PRRX2: variants seen among roughly 807,000 people sequenced by gnomAD.
The protein encoded by PRRX2 is paired related homeobox 2, also known as paired mesoderm homeobox protein 2.
A neutral mutation model predicts 18.0 loss-of-function variants in PRRX2; 11 were observed. The observed-to-expected ratio is 0.61, with a 90% CI of 0.39 to 1.01. The LOEUF (loss-of-function observed/expected upper bound fraction) is 1.01, where lower values mean the gene tolerates loss of function less well. Ranked by LOEUF, PRRX2 falls within the 50% of genes least tolerant of loss-of-function variation. The probability of loss-of-function intolerance (pLI) is 0.01; values close to 1 mark genes in which losing one functional copy is unlikely to be tolerated. For synonymous variants in PRRX2, 177 were observed against 154.8 expected (o/e 1.14, Z -1.06); for missense variants, 387 against 351.0 (o/e 1.10, Z -0.82).
intron 1 of PRRX2, among the ~76,000 whole-genome samples, chr9:129,707,563 G>T (rs964625828): frequency 6.6e-6 from 1 of 152,004 alleles, no homozygotes; most frequent in Non-Finnish European, 1.5e-5. Flanking sequence ...AGGCTGGTCT[G>T]GTGGGTCACC....
intron 1 of PRRX2, among the ~76,000 whole-genome samples, chr9:129,690,966 A>C (rs1832353621): frequency 6.6e-6 from 1 of 152,060 alleles, no homozygotes; most frequent in Admixed American, 6.5e-5. Flanking sequence ...CGCTTGTCCT[A>C]CTGCACAAGA....
intron 3 of PRRX2, among the ~76,000 whole-genome samples, chr9:129,721,304 A>ATGGG (rs1330663672): frequency 2.2e-4 from 33 of 152,148 alleles, no homozygotes; most frequent in African/African-American, 8.0e-4. Flanking sequence ...GCTGGGGCCC[A>ATGGG]GAGCCAAGTT....
chr9:129,714,136 C>G (rs1334755932), intron 1 of PRRX2, among the ~76,000 whole-genome samples: 1 of 149,302 alleles, frequency 6.7e-6, no homozygotes, highest in Non-Finnish European at 1.5e-5. Flanking sequence ...AACCTCATCT[C>G]TACTAAAAAT....
At chr9:129,699,947 C>T (rs1365035508) in intron 1 of PRRX2, among the ~76,000 whole-genome samples, 2 of 152,142 alleles carry the variant, frequency 1.3e-5, no homozygotes, top group African/African-American at 4.8e-5. Context: ...TCCCAAGTCT[C>T]CACCAGACAG....
chr9:129,694,963 C>T (rs1832403053), intron 1 of PRRX2, among the ~76,000 whole-genome samples: 1 of 152,224 alleles, frequency 6.6e-6, no homozygotes. Flanking sequence ...GACCCACTTG[C>T]CTGCAGCTTC....
At chr9:129,700,284 G>C (rs1832477138) in intron 1 of PRRX2, among the ~76,000 whole-genome samples, 1 of 151,758 alleles carries the variant, frequency 6.6e-6, no homozygotes, top group African/African-American at 2.4e-5. Flanking sequence ...CTGCCGCCAG[G>C]GTCCAGCTCT....
At position 129,673,652 on chromosome 9, in the gene PRRX2, CCACACACACA is replaced by C. The variant is rs3054761; in HGVS notation, c.259+7543_259+7552del. Among the ~76,000 whole-genome samples the C allele has an allele frequency of 9.1e-3, 1,365 of 149,324 alleles. 22 individuals carry two copies. The highest frequency in any genetic ancestry group is 0.032 in the African/African-American group (1,305 of 40,656). ...CACACACAGACCCATACCCCCCATG[CCACACACACA>C]CACACACACACACACAGGCACACAC... On this transcript the variant is annotated intron_variant, in intron 1 of 3. Transcript: ENST00000372469.
intron 1 of PRRX2, among the ~76,000 whole-genome samples, chr9:129,718,886 A>G (rs1832749105): frequency 6.6e-6 from 1 of 152,112 alleles, no homozygotes; most frequent in Admixed American, 6.5e-5. Context: ...TGAGCAGGTC[A>G]CTTGTCCCTG....
intron 1 of PRRX2, chr9:129,712,752 T>G (rs1832642672): frequency 6.6e-6 from 1 of 152,062 alleles, no homozygotes; most frequent in Non-Finnish European, 1.5e-5. Flanking sequence ...GTTTCATGCT[T>G]TGTTTCAGTC....
Position 129,720,772 on chromosome 9 carries a change from C to G in PRRX2, c.624C>G (p.Tyr208Ter), listed in dbSNP as rs1207102150. The G allele has an allele frequency of 6.4e-7, 1 of 1,571,968 alleles. No individual in the cohort carries two copies. Among genetic ancestry groups the G allele is most frequent in the Non-Finnish European group, 8.6e-7 (1 of 1,156,988 alleles). Residue 208 changes from tyrosine to a stop codon, truncating the protein, a stop_gained and splice_region_variant, in exon 3 of 4, where the codon TAC becomes TAG. Coordinates refer to ENST00000372469, the MANE Select transcript of PRRX2 (RefSeq NM_016307.4). LOFTEE classifies it high-confidence loss of function. ...TCTCCTGGACAGCCTCGTCCCCCTA[C>G]AGGTGAGAGCGGGAACACCTTTGGG... The part of the protein sequence containing the change: ...DYLSWTASSP[Y>*]STVPPYSPGS...
At chr9:129,670,224 C>G (rs1345563575) in intron 1 of PRRX2, among the ~76,000 whole-genome samples, 1 of 151,722 alleles carries the variant, frequency 6.6e-6, no homozygotes, top group African/African-American at 2.4e-5. Context: ...ACATTGTATC[C>G]GTTCACCCAT....
At chr9:129,669,975 G>A (rs1367785249) in intron 1 of PRRX2, among the ~76,000 whole-genome samples, 2 of 149,464 alleles carry the variant, frequency 1.3e-5, no homozygotes, top group Non-Finnish European at 1.5e-5. Context: ...AACTGAAACC[G>A]CACCCCCTTG....
At chr9:129,679,201 G>A (rs1191496619) in intron 1 of PRRX2, among the ~76,000 whole-genome samples, 5 of 152,180 alleles carry the variant, frequency 3.3e-5, no homozygotes, top group Admixed American at 2.0e-4. Context: ...AGTGCATGAC[G>A]ACCCTGGGGT....
At chr9:129,678,183 C>G (rs970953981) in intron 1 of PRRX2, among the ~76,000 whole-genome samples, 1 of 152,030 alleles carries the variant, frequency 6.6e-6, no homozygotes, top group Non-Finnish European at 1.5e-5. Context: ...AGGCTGGTCT[C>G]GAACTCCTGG....
chr9:129,704,741 G>A (rs866637026), intron 1 of PRRX2, among the ~76,000 whole-genome samples: 4 of 152,166 alleles, frequency 2.6e-5, no homozygotes, highest in Non-Finnish European at 4.4e-5. Context: ...CTGAGTCCTC[G>A]AGACGACAAG....
chr9:129,716,964 C>A (rs1317636011), intron 1 of PRRX2, among the ~76,000 whole-genome samples: 1 of 152,016 alleles, frequency 6.6e-6, no homozygotes, highest in East Asian at 1.9e-4. Context: ...GAAAGGTATC[C>A]AGAATATTAT....
chr9:129,698,114 G>A (rs550997713), intron 1 of PRRX2, among the ~76,000 whole-genome samples: 2 of 152,132 alleles, frequency 1.3e-5, no homozygotes, highest in East Asian at 3.9e-4. Flanking sequence ...GAGCCTTCCC[G>A]TCCCCAGGCA....
At chr9:129,693,142 G>T (rs1370675826) in intron 1 of PRRX2, among the ~76,000 whole-genome samples, 1 of 152,160 alleles carries the variant, frequency 6.6e-6, no homozygotes, top group Non-Finnish European at 1.5e-5. Context: ...TTTCCCCAGT[G>T]ATACAAGATA....
intron 1 of PRRX2, among the ~76,000 whole-genome samples, chr9:129,666,578 C>CG (rs1240008918): frequency 7.0e-6 from 1 of 143,602 alleles, no homozygotes; most frequent in Admixed American, 6.8e-5. Context: ...CCCACCCCCC[C>CG]CCACCCTCCA....
Sources: gnomAD v4.1 joint callset for allele counts (sites outside exome capture counted in the v4.1 genomes callset) on GRCh38, gnomAD v4.1.1 for gene constraint, MANE v1.5 for transcripts, NCBI Gene and HGNC (gene_info 2026-07-23, HGNC 2026-07-21) for gene names.